ALKAL1: variants seen among roughly 807,000 people sequenced by gnomAD.
The protein encoded by ALKAL1 is AUG-beta.
Under a neutral mutation model 13.5 loss-of-function variants are expected in ALKAL1, and 23 were observed. That is an observed-to-expected ratio of 1.70 (90% CI 1.23 to 2.41). ALKAL1 has a LOEUF of 2.41. Ranked by LOEUF, ALKAL1 falls within the 30% of genes most tolerant of loss-of-function variation. The pLI is 0.00. For synonymous variants in ALKAL1, 85 were observed against 77.7 expected, an observed-to-expected ratio of 1.09 and a Z score of -0.49; for missense variants, 181 against 178.4, an observed-to-expected ratio of 1.01 and a Z score of -0.08.
rs1847316474 is a variant in ALKAL1, at chr8:52,541,846, C to G, written c.244+546G>C. On this transcript the variant is annotated intron_variant, in intron 2 of 4. Coordinates refer to ENST00000358543, the MANE Select transcript of ALKAL1 (RefSeq NM_207413.4). ...TCCCTGTTCAAAAAATTTATATTGC[C>G]CCCTCCCTCCCTACCCCCACCTGGT... is the stretch of plus-strand genomic sequence containing the variant. Among the ~76,000 whole-genome samples the G allele has an allele frequency of 2.0e-5, 3 of 151,490 alleles. No homozygotes were observed. In the South Asian group the frequency reaches 6.3e-4, roughly 32 times the overall value.
At position 52,538,459 on chromosome 8, in the gene ALKAL1, A is replaced by G. The variant is rs1337798430; in HGVS notation, c.374T>C (p.Leu125Pro). The G allele has an allele frequency of 6.2e-7, 1 of 1,610,416 alleles. No homozygotes were observed. Among genetic ancestry groups the G allele is most frequent in the Non-Finnish European group, 8.5e-7 (1 of 1,177,044 alleles). The change falls in exon 4 of 5, where the codon CTG (leucine) becomes CCG (proline). Residue 125 changes from leucine to proline, a missense_variant. Physicochemically the swap from Leu to Pro is moderately conservative, Grantham distance 98. Coordinates refer to ENST00000358543, the MANE Select transcript of ALKAL1 (RefSeq NM_207413.4). ...RLLTRLAVSP[L>P]CSQT ...GTAGTTTTGCTAGGTCTGGGAGCAC[A>G]GTGGACTCACTGCTAATCTTGTTAA...
intron 1 of ALKAL1, among the ~76,000 whole-genome samples, chr8:52,553,690 A>T (rs1312782950): frequency 6.6e-6 from 1 of 152,244 alleles, no homozygotes; most frequent in Non-Finnish European, 1.5e-5. Context: ...AAAAGGACAA[A>T]ATATTAAATA....
chr8:52,549,298 G>A (rs1847404605), intron 1 of ALKAL1, among the ~76,000 whole-genome samples: 1 of 151,782 alleles, frequency 6.6e-6, no homozygotes, highest in African/African-American at 2.4e-5. Context: ...TCAAAAATAA[G>A]AACAATTACC....
intron 1 of ALKAL1, among the ~76,000 whole-genome samples, chr8:52,548,083 T>A (rs1472042334): frequency 6.6e-6 from 1 of 152,222 alleles, no homozygotes; most frequent in East Asian, 1.9e-4. Flanking sequence ...GTGCAGTGGC[T>A]TATGCCTGTA....
chr8:52,563,588 C>A (rs1590871992), intron 1 of ALKAL1, among the ~76,000 whole-genome samples: 1 of 152,326 alleles, frequency 6.6e-6, no homozygotes, highest in Non-Finnish European at 1.5e-5. Flanking sequence ...TTCTCCCAGT[C>A]CTTTCACATT....
chr8:52,560,360 TCTA>T (rs1353099101), intron 1 of ALKAL1, among the ~76,000 whole-genome samples: 1 of 152,186 alleles, frequency 6.6e-6, no homozygotes, highest in Non-Finnish European at 1.5e-5. Flanking sequence ...CTCCAGACAC[TCTA>T]CTTACTACCC....
At chr8:52,551,721 A>G (rs1378513833) in intron 1 of ALKAL1, among the ~76,000 whole-genome samples, 1 of 152,102 alleles carries the variant, frequency 6.6e-6, no homozygotes, top group East Asian at 1.9e-4. Context: ...GAAAAAATAA[A>G]TTATTTATTT....
chr8:52,540,142 T>G lies in ALKAL1; in HGVS notation c.245-231A>C, dbSNP rs1205134619. 2.6e-5 allele frequency among the ~76,000 whole-genome samples: 4 copies of G among 152,288 alleles called. 1 individual carries two copies. The East Asian group carries it at 7.7e-4, about 29-fold the overall frequency. On this transcript the variant is annotated intron_variant, in intron 2 of 4. Transcript: ENST00000358543. ...GTTCTCGATATCTCAAATAATGGAA[T>G]CTTCACATTTAGGAGAACTGTCTAG...
At chr8:52,536,914 C>T (rs1184473356) in intron 4 of ALKAL1, among the ~76,000 whole-genome samples, 1 of 152,114 alleles carries the variant, frequency 6.6e-6, no homozygotes, top group Non-Finnish European at 1.5e-5. Context: ...TTCATTTGGA[C>T]CGAGTTTTAA....
At chr8:52,540,690 G>A (rs1847304378) in intron 2 of ALKAL1, among the ~76,000 whole-genome samples, 1 of 152,138 alleles carries the variant, frequency 6.6e-6, no homozygotes, top group Non-Finnish European at 1.5e-5. Context: ...AGCTATGACT[G>A]CACCATTGCA....
intron 1 of ALKAL1, among the ~76,000 whole-genome samples, chr8:52,545,791 G>T (rs1847363171): frequency 6.6e-6 from 1 of 152,204 alleles, no homozygotes; most frequent in African/African-American, 2.4e-5. Flanking sequence ...ACAGTACAGA[G>T]GGCAAATAAT....
chr8:52,563,767 C>A (rs368785141), intron 1 of ALKAL1, among the ~76,000 whole-genome samples: 1 of 152,172 alleles, frequency 6.6e-6, no homozygotes, highest in Non-Finnish European at 1.5e-5. Flanking sequence ...AGAGGCTCTG[C>A]CCGGGTTGTC....
chr8:52,555,886 G>A (rs1308347943), intron 1 of ALKAL1, among the ~76,000 whole-genome samples: 1 of 152,166 alleles, frequency 6.6e-6, no homozygotes, highest in Non-Finnish European at 1.5e-5. Flanking sequence ...GACCCGTGAA[G>A]ACAAACTTCT....
intron 4 of ALKAL1, among the ~76,000 whole-genome samples, chr8:52,535,967 C>T (rs1280282240): frequency 3.3e-5 from 5 of 151,776 alleles, no homozygotes; most frequent in Admixed American, 3.3e-4. Flanking sequence ...GAGACGGAGT[C>T]TCGCTCTGTT....
chr8:52,541,861 C>G (rs1283406676), intron 2 of ALKAL1, among the ~76,000 whole-genome samples: 1 of 152,144 alleles, frequency 6.6e-6, no homozygotes, highest in Non-Finnish European at 1.5e-5. Flanking sequence ...CCCTCCCTAC[C>G]CCCACCTGGT....
intron 1 of ALKAL1, among the ~76,000 whole-genome samples, chr8:52,553,169 G>A (rs180915710): frequency 3.3e-5 from 5 of 152,216 alleles, no homozygotes; most frequent in Non-Finnish European, 5.9e-5. Flanking sequence ...ACAACATAGC[G>A]AGACTCTATC....
At chr8:52,553,339 C>T (rs925253732) in intron 1 of ALKAL1, among the ~76,000 whole-genome samples, 16 of 152,124 alleles carry the variant, frequency 1.1e-4, no homozygotes, top group African/African-American at 2.7e-4. Context: ...CAGAGTGATA[C>T]TCCATCTCTA....
intron 1 of ALKAL1, among the ~76,000 whole-genome samples, chr8:52,549,383 G>A (rs1273502894): frequency 1.3e-5 from 2 of 150,828 alleles, no homozygotes; most frequent in African/African-American, 4.9e-5. Flanking sequence ...ATTTCAAAAT[G>A]ACAAAAAATT....
At chr8:52,541,700 G>A (rs774723230) in intron 2 of ALKAL1, among the ~76,000 whole-genome samples, 2 of 152,100 alleles carry the variant, frequency 1.3e-5, no homozygotes, top group Admixed American at 1.3e-4. Context: ...ACTCGGCAGT[G>A]AGCCGAGATC....
Sources: allele counts gnomAD v4.1 joint callset (sites outside exome capture counted in the v4.1 genomes callset), GRCh38; gene constraint gnomAD v4.1.1; transcripts MANE v1.5; gene names NCBI Gene and HGNC (gene_info 2026-07-23, HGNC 2026-07-21).